The following SLC39A6 variants were observed in gnomAD, a reference collection of about 807,000 sequenced individuals.
SLC39A6 encodes the protein zinc transporter ZIP6.
A neutral mutation model predicts 63.5 loss-of-function variants in SLC39A6; 51 were observed. The ratio of observed to expected loss-of-function variants is 0.80; its 90% CI spans 0.64 to 1.01. The LOEUF is 1.01. SLC39A6 is among the 50% of genes least tolerant of loss of function. The pLI is 0.00. For missense variants in SLC39A6, 805 were observed against 927.8 expected, an observed-to-expected ratio of 0.87 and a Z score of 1.72; for synonymous variants, 318 against 324.7, an observed-to-expected ratio of 0.98 and a Z score of 0.22.
intron 7 of SLC39A6, among the ~76,000 whole-genome samples, chr18:36,113,390 C>T (rs1212687818): frequency 2.6e-5 from 4 of 152,096 alleles, no homozygotes; most frequent in Non-Finnish European, 5.9e-5. Flanking sequence ...TGAGCTACCG[C>T]ACCCAGCCGA....
rs374518536 is a variant in SLC39A6, at chr18:36,111,209, C to T, written c.1965G>A (p.Lys655=). The T allele has an allele frequency of 8.1e-6, 13 of 1,614,070 alleles. No individual in the cohort carries two copies. In the African/African-American group the frequency reaches 1.5e-4, roughly 18 times the overall value. The change falls in exon 9 of 10, where the codon AAG becomes AAA. Residue 655 remains lysine, a synonymous_variant. Coordinates refer to ENST00000269187, the MANE Select transcript of SLC39A6 (RefSeq NM_012319.4). ...ACAATGCATTATAAAGGACAGCCTG[C>T]TTAACGGTCATGCCAGCCTTTAGTA... ...AVLLKAGMTV[K]QAVLYNALSA...
intron 6 of SLC39A6, among the ~76,000 whole-genome samples, chr18:36,115,527 G>A (rs1308668049): frequency 6.6e-6 from 1 of 152,034 alleles, no homozygotes; most frequent in African/African-American, 2.4e-5. Flanking sequence ...TAGGCACAGT[G>A]GCTCATGCCT....
rs759084547 is a variant in SLC39A6 at position 36,122,222 on chromosome 18, C to T, written c.1189G>A (p.Glu397Lys). The change falls in exon 5 of 10, where the codon GAA (glutamate) becomes AAA (lysine). Residue 397 changes from glutamate to lysine, a missense_variant. Glu to Lys is a moderately conservative substitution (Grantham distance 56). This residue lies in a region of SLC39A6 where 639 missense variants were observed against 644.0 expected (regional missense o/e 0.99). Coordinates refer to ENST00000269187, the MANE Select transcript of SLC39A6 (RefSeq NM_012319.4). Reference sequence around the variant, plus strand: ...CTGAAAAGTGGTCCTCTTTTCATTTCCATTGCTGGTTCTTCATGGCTATGA... The same window carrying T: ...CTGAAAAGTGGTCCTCTTTTCATTTTCATTGCTGGTTCTTCATGGCTATGA... The part of the protein sequence containing the change: ...HSHSHEEPAM[E>K]MKRGPLFSHL... 5 of 1,613,908 alleles carry T rather than the reference C, an allele frequency of 3.1e-6. No individual in the cohort carries two copies. Among genetic ancestry groups the T allele is most frequent in the Non-Finnish European group, 4.2e-6 (5 of 1,179,960 alleles).
At position 36,126,707 on chromosome 18, in the gene SLC39A6, C is replaced by T; in HGVS notation, c.301G>A (p.Asp101Asn). Residue 101 changes from aspartate (D) to asparagine (N), a missense_variant, in exon 2 of 10, where the codon GAC (aspartate) becomes AAC (asparagine). By Grantham distance (23) the Asp-to-Asn change is conservative. Coordinates refer to ENST00000269187, the MANE Select transcript of SLC39A6 (RefSeq NM_012319.4). ...HIHHDHDHHS[D>N]HEHHSDHERH... ...TCATGGTCTGAGTGATGCTCGTGGT[C>T]TGAGTGATGGTCGTGGTCATGGTGT... 1.2e-6 allele frequency: 2 copies of T among 1,613,790 alleles called. No homozygotes were observed. Among genetic ancestry groups the T allele is most frequent in the Non-Finnish European group, 1.7e-6 (2 of 1,179,820 alleles).
chr18:36,110,383 A>AT (rs2089291103), intron 9 of SLC39A6, among the ~76,000 whole-genome samples: 1 of 148,854 alleles, frequency 6.7e-6, no homozygotes, highest in South Asian at 2.2e-4. Flanking sequence ...GGATGTAGAT[A>AT]TTTTTGTGAA....
At position 36,114,469 on chromosome 18, in the gene SLC39A6, C is replaced by T; in HGVS notation, c.1471G>A (p.Glu491Lys). The T allele has an allele frequency of 6.2e-7, 1 of 1,608,588 alleles. No individual in the cohort carries two copies. The highest frequency in any genetic ancestry group is 8.5e-7 in the Non-Finnish European group (1 of 1,178,398). The change falls in exon 7 of 10, where the codon GAA becomes AAA. Residue 491 changes from glutamate to lysine, a missense_variant. Physicochemically the swap from Glu to Lys is moderately conservative, Grantham distance 56. This residue lies in a region of SLC39A6 where 639 missense variants were observed against 644.0 expected (regional missense o/e 0.99). Coordinates refer to ENST00000269187, the MANE Select transcript of SLC39A6 (RefSeq NM_012319.4). ...EEKVDTDDRT[E>K]GYLRADSQEP... Reference sequence around the variant, plus strand: ...TGTGAGTCTGCTCGTAAATAGCCTTCAGTTCCTAGGAATAAACATAAAGGG... The same window carrying T: ...TGTGAGTCTGCTCGTAAATAGCCTTTAGTTCCTAGGAATAAACATAAAGGG...
intron 9 of SLC39A6, among the ~76,000 whole-genome samples, chr18:36,110,451 A>AC (rs1322570342): frequency 6.6e-6 from 1 of 152,030 alleles, no homozygotes; most frequent in Non-Finnish European, 1.5e-5. Flanking sequence ...AAAAAAAAAA[A>AC]ACTCTAAAGA....
chr18:36,128,000 TAAAGTA>T (rs1247149711), intron 1 of SLC39A6, among the ~76,000 whole-genome samples: 2 of 152,158 alleles, frequency 1.3e-5, no homozygotes, highest in Non-Finnish European at 2.9e-5. Context: ...ATAGAATTCT[TAAAGTA>T]AACTGAACTT....
intron 5 of SLC39A6, among the ~76,000 whole-genome samples, chr18:36,117,366 C>T (rs2089354569): frequency 6.6e-6 from 1 of 152,164 alleles, no homozygotes. Flanking sequence ...TTTTTATAAC[C>T]TAAAACTATA....
At chr18:36,111,383 G>T in intron 8 of SLC39A6, 134 bp from the exon 9 acceptor site, 4 of 750,960 alleles carry the variant, frequency 5.3e-6, no homozygotes. Context: ...AATTAAGAAT[G>T]ACCTAGGGTT....
chr18:36,123,731 T>C (rs1278253161), intron 3 of SLC39A6, 67 bp from the exon 4 acceptor site: 10 of 1,473,360 alleles, frequency 6.8e-6, no homozygotes, highest in Admixed American at 2.4e-5. Context: ...AGAAAGACTT[T>C]TGGAGAGTAG....
At chr18:36,120,441 T>C (rs1376509584) in intron 5 of SLC39A6, among the ~76,000 whole-genome samples, 1 of 152,220 alleles carries the variant, frequency 6.6e-6, no homozygotes, top group African/African-American at 2.4e-5. Flanking sequence ...AATTTTTAAT[T>C]TGAGATTTCA....
intron 2 of SLC39A6, among the ~76,000 whole-genome samples, chr18:36,125,976 G>GA (rs1189909241): frequency 1.4e-4 from 21 of 152,056 alleles, no homozygotes; most frequent in Non-Finnish European, 2.9e-4. Flanking sequence ...TTCTGTATTA[G>GA]AAAAAATTGT....
In SLC39A6 at chr18:36,124,634, C is replaced by T; in HGVS notation, c.856G>A (p.Glu286Lys). The change falls in exon 3 of 10, where the codon GAG becomes AAG. Residue 286 changes from glutamate (E) to lysine (K), a missense_variant. By Grantham distance (56) the Glu-to-Lys change is moderately conservative. Transcript: ENST00000269187. The part of the protein sequence containing the change: ...MGIQVPLNAT[E>K]FNYLCPAIIN... ...ATGGCTGGACAGAGATAGTTGAACTCTGTTGCATTCAGCGGAACCTGGATG... is the reference window on the plus strand; with the variant it reads ...ATGGCTGGACAGAGATAGTTGAACTTTGTTGCATTCAGCGGAACCTGGATG... 1 of 1,590,270 alleles carries T rather than the reference C, an allele frequency of 6.3e-7. No homozygotes were observed. The highest frequency in any genetic ancestry group is 1.7e-5 in the Admixed American group (1 of 59,780).
At position 36,114,108 on chromosome 18, in the gene SLC39A6, C is replaced by T. The variant is rs1472890224; in HGVS notation, c.1832G>A (p.Gly611Asp). 3.8e-6 allele frequency: 6 copies of T among 1,598,060 alleles called. No individual in the cohort carries two copies. The highest frequency in any genetic ancestry group is 5.1e-6 in the Non-Finnish European group (6 of 1,170,622). ...MGDGLHNFSD[G>D]LAIGAAFTEG... is the part of the protein sequence containing the mutation. ...ATGTAGATATATACCAATTGCTAGG[C>T]CATCGCTGAAATTGTGCAGGCCATC... The change falls in exon 7 of 10, where the codon GGC becomes GAC. Residue 611 changes from glycine (G) to aspartate (D), a missense_variant. Gly to Asp is a moderately conservative substitution (Grantham distance 94). This residue lies in a region of SLC39A6 where 145 missense variants were observed against 227.2 expected (regional missense o/e 0.64). Transcript: ENST00000269187.
chr18:36,116,735 C>A lies in SLC39A6; in HGVS notation c.1404G>T (p.Lys468Asn). The change falls in exon 6 of 10, where the codon AAG becomes AAT. Residue 468 changes from lysine to asparagine, a missense_variant. Physicochemically the swap from Lys to Asn is moderately conservative, Grantham distance 94. Transcript: ENST00000269187. ...GTTGAGATTCATACTTGGACAACTG[C>A]TTCTTAATCTCCACATCATCATCAT... ...PENDDDVEIK[K>N]QLSKYESQLS... The A allele has an allele frequency of 6.2e-7, 1 of 1,613,168 alleles. No homozygotes were observed. The highest frequency in any genetic ancestry group is 8.5e-7 in the Non-Finnish European group (1 of 1,179,494).
Position 36,114,227 on chromosome 18 carries a change from T to C in SLC39A6, c.1713A>G (p.Gln571=), listed in dbSNP as rs377433554. 7.3e-5 allele frequency: 118 copies of C among 1,613,870 alleles called. No homozygotes were observed. Among genetic ancestry groups the C allele is most frequent in the Non-Finnish European group, 8.6e-5 (102 of 1,180,010 alleles). Residue 571 remains glutamine, a synonymous_variant, in exon 7 of 10, where the codon CAA becomes CAG. Transcript: ENST00000269187. The part of the protein sequence containing the change: ...YHHILHHHHH[Q]NHHPHSHSQR... ...GGCTGTGACTGTGAGGATGGTGGTT[T>C]TGGTGGTGGTGATGATGGAGAATAT...
intron 6 of SLC39A6, among the ~76,000 whole-genome samples, chr18:36,114,971 C>T (rs762696457): frequency 2.0e-5 from 3 of 152,184 alleles, no homozygotes; most frequent in Non-Finnish European, 4.4e-5. Flanking sequence ...TTCATCATCA[C>T]CAAGAAGCAT....
At position 36,116,459 on chromosome 18, in the gene SLC39A6, T is replaced by C. The variant is rs867297614; in HGVS notation, c.1465+215A>G. Among the ~76,000 whole-genome samples the C allele has an allele frequency of 1.1e-4, 16 of 152,270 alleles. No homozygotes were observed. The South Asian group carries it at 1.5e-3, about 14-fold the overall frequency. ...TTTGTACGATTCTTAAACTTTTCTA[T>C]GAATATGAATTTACTTCAAAATAAA... On this transcript the variant is annotated intron_variant, in intron 6 of 9. Transcript: ENST00000269187.
Sources: gnomAD v4.1 joint callset for allele counts (sites outside exome capture counted in the v4.1 genomes callset) on GRCh38, gnomAD v4.1.1 for gene constraint, gnomAD v4.1.1 regional missense constraint, MANE v1.5 for transcripts, NCBI Gene and HGNC (gene_info 2026-07-23, HGNC 2026-07-21) for gene names.